Variants in MACROD1 observed in about 807,000 individuals in gnomAD.
MACROD1 encodes the protein ADP-ribose glycohydrolase MACROD1.
A neutral mutation model predicts 41.4 loss-of-function variants in MACROD1; 31 were observed. That is an observed-to-expected ratio of 0.75 (90% CI 0.56 to 1.01). The LOEUF (loss-of-function observed/expected upper bound fraction) is 1.01. MACROD1 is among the 50% of genes least tolerant of loss of function. The probability of loss-of-function intolerance (pLI) is 0.00; values close to 1 mark genes in which losing one functional copy is unlikely to be tolerated. For synonymous variants in MACROD1, 252 were observed against 203.4 expected (o/e 1.24, Z -2.03); for missense variants, 473 against 460.0 (o/e 1.03, Z -0.26).
chr11:64,127,018 G>A (rs889710269), intron 3 of MACROD1: 3 of 152,114 alleles, frequency 2.0e-5, no homozygotes, highest in Admixed American at 1.3e-4. Context: ...GCCTGGCCTC[G>A]TGCCCACCTG....
intron 5 of MACROD1, 95 bp downstream of exon 5, chr11:64,000,132 C>T (rs1268321217): frequency 1.0e-6 from 1 of 992,504 alleles, no homozygotes; most frequent in East Asian, 2.6e-5. Flanking sequence ...CTGAGGAGTT[C>T]CCCAGCACTC....
intron 3 of MACROD1, among the ~76,000 whole-genome samples, chr11:64,051,247 C>T (rs147049779): frequency 0.015 from 2,274 of 152,324 alleles, 51 homozygotes; most frequent in African/African-American, 0.052. Context: ...CCTTACCCCA[C>T]GTAGGTGCCC....
intron 3 of MACROD1, among the ~76,000 whole-genome samples, chr11:64,058,581 G>C (rs1396295910): frequency 6.6e-6 from 1 of 152,270 alleles, no homozygotes; most frequent in Non-Finnish European, 1.5e-5. Flanking sequence ...GGGTGGTGGA[G>C]GAGCCGGCAG....
chr11:63,999,882 C>T, intron 5 of MACROD1, 119 bp from the exon 6 acceptor site: 2 of 1,218,752 alleles, frequency 1.6e-6, no homozygotes, highest in Non-Finnish European at 2.2e-6. Context: ...AGCGCTGAGC[C>T]TCCTCCGCGA....
intron 4 of MACROD1, among the ~76,000 whole-genome samples, chr11:64,014,209 G>A (rs1055637180): frequency 3.3e-5 from 5 of 152,116 alleles, no homozygotes; most frequent in Non-Finnish European, 7.3e-5. Context: ...AAAAGGACAG[G>A]CTTCGGAAGA....
At chr11:64,032,301 C>G (rs1943305316) in intron 3 of MACROD1, among the ~76,000 whole-genome samples, 2 of 152,204 alleles carry the variant, frequency 1.3e-5, no homozygotes, top group Admixed American at 6.5e-5. Flanking sequence ...CTCCTGGGAC[C>G]TCACTGGACT....
At position 64,082,407 on chromosome 11, in the gene MACROD1, G is replaced by T. The variant is rs1944320073; in HGVS notation, c.518-67126C>A. 6.6e-6 allele frequency among the ~76,000 whole-genome samples: 1 copy of T among 151,974 alleles called. No homozygotes were observed. Among genetic ancestry groups the T allele is most frequent in the South Asian group, 2.1e-4 (1 of 4,810 alleles). The stretch of plus-strand genomic sequence containing the variant: ...TGATGGCTGGGAGGGAGCCTGAAGT[G>T]GGGGCGTCCTAAGGTGAGGGGCAGG... On this transcript the variant is annotated intron_variant, in intron 3 of 10. Coordinates refer to ENST00000255681, the MANE Select transcript of MACROD1 (RefSeq NM_014067.4). The surrounding 1 kb of genome is among the most constrained non-coding windows in gnomAD (Gnocchi z 4.5).
intron 3 of MACROD1, among the ~76,000 whole-genome samples, chr11:64,094,254 C>A (rs1012912157): frequency 1.3e-5 from 2 of 152,108 alleles, no homozygotes; most frequent in Non-Finnish European, 2.9e-5. Context: ...GACGGTAAAA[C>A]CACGTCTCTA....
Position 63,998,979 on chromosome 11 carries a change from G to A in MACROD1, c.949C>T (p.Arg317Trp), listed in dbSNP as rs1259441121. The A allele has an allele frequency of 6.2e-6, 10 of 1,607,314 alleles. No individual in the cohort carries two copies. The highest frequency in any genetic ancestry group is 1.3e-5 in the African/African-American group (1 of 74,778). ...CCCACGGGGAAGTAGTGGGGGAGCC[G>A]GCTCCGGTAGATGTCCTCGTCCTTC... The part of the protein sequence containing the change: ...LEKDEDIYRS[R>W]LPHYFPVA The change falls in exon 9 of 11, where the codon CGG (arginine) becomes TGG (tryptophan). Residue 317 changes from arginine (R) to tryptophan (W), a missense_variant. Coordinates refer to ENST00000255681, the MANE Select transcript of MACROD1 (RefSeq NM_014067.4).
At chr11:64,000,117 G>A (rs1942795574) in intron 5 of MACROD1, 110 bp downstream of exon 5, 17 of 819,662 alleles carry the variant, frequency 2.1e-5, no homozygotes, top group Non-Finnish European at 2.8e-5. Context: ...GTTAAGAAGG[G>A]CCCCCTGAGG....
chr11:64,134,220 A>G (rs1383977777), intron 3 of MACROD1, among the ~76,000 whole-genome samples: 1 of 152,216 alleles, frequency 6.6e-6, no homozygotes, highest in African/African-American at 2.4e-5. Flanking sequence ...GATAACAGCC[A>G]GGGCCGCCCA....
intron 3 of MACROD1, among the ~76,000 whole-genome samples, chr11:64,027,297 G>C (rs940018833): frequency 1.2e-4 from 19 of 152,152 alleles, no homozygotes; most frequent in African/African-American, 4.3e-4. Context: ...GGAGCAGCAG[G>C]GTTGGTCTTG....
intron 3 of MACROD1, among the ~76,000 whole-genome samples, chr11:64,124,519 C>T (rs996464939): frequency 4.6e-5 from 7 of 152,166 alleles, no homozygotes; most frequent in Non-Finnish European, 1.0e-4. Context: ...TCTTTTTGCT[C>T]TCCATCCCCT....
intron 3 of MACROD1, among the ~76,000 whole-genome samples, chr11:64,035,624 C>A (rs1273053437): frequency 7.2e-6 from 1 of 139,552 alleles, no homozygotes; most frequent in African/African-American, 2.6e-5. Flanking sequence ...GCGCGGAGGC[C>A]GCTTCTCCCC....
rs752101125 is a variant in MACROD1 at position 64,090,489 on chromosome 11, G to A, written c.517+60750C>T. Among the ~76,000 whole-genome samples the A allele has an allele frequency of 3.7e-4, 57 of 152,200 alleles. No homozygotes were observed. The highest frequency in any genetic ancestry group is 6.5e-4 in the Admixed American group (10 of 15,286). Reference sequence around the variant, plus strand: ...CCCCTGAGGTGGAGGAGGAGGAGGAGGCCAAATAACCACATTTGCTTCCCC... The same window carrying A: ...CCCCTGAGGTGGAGGAGGAGGAGGAAGCCAAATAACCACATTTGCTTCCCC... On this transcript the variant is annotated intron_variant, in intron 3 of 10. Coordinates refer to ENST00000255681, the MANE Select transcript of MACROD1 (RefSeq NM_014067.4). The surrounding 1 kb of genome is among the most constrained non-coding windows in gnomAD (Gnocchi z 4.7).
At chr11:64,103,027 T>C (rs2622411) in intron 3 of MACROD1, among the ~76,000 whole-genome samples, 146,271 of 151,568 alleles carry the variant, frequency 0.97, 70,799 homozygotes, top group Middle Eastern at 1. Flanking sequence ...GCCGAGATTG[T>C]GCCACTGCAC....
chr11:64,039,716 A>G (rs1267388191), intron 3 of MACROD1, among the ~76,000 whole-genome samples: 2 of 152,174 alleles, frequency 1.3e-5, no homozygotes, highest in Admixed American at 1.3e-4. Context: ...CCTGTTTACC[A>G]TCGCTCGAGG....
At chr11:64,045,448 C>T (rs927141050) in intron 3 of MACROD1, among the ~76,000 whole-genome samples, 19 of 152,200 alleles carry the variant, frequency 1.2e-4, no homozygotes, top group African/African-American at 4.1e-4. Flanking sequence ...GAGGAAATGT[C>T]ATTATTTACT....
intron 3 of MACROD1, among the ~76,000 whole-genome samples, chr11:64,055,979 C>T (rs997659629): frequency 7.2e-5 from 11 of 152,262 alleles, no homozygotes; most frequent in South Asian, 2.1e-4. Flanking sequence ...CTGGGAGGGA[C>T]GCGCTGTCGG....
Sources: gnomAD v4.1 joint callset for allele counts (sites outside exome capture counted in the v4.1 genomes callset) on GRCh38, gnomAD v4.1.1 for gene constraint, Gnocchi (gnomAD v3.1) non-coding constraint, MANE v1.5 for transcripts, NCBI Gene and HGNC (gene_info 2026-07-23, HGNC 2026-07-21) for gene names.